ABCB5: variants seen among roughly 807,000 people sequenced by gnomAD.
ABCB5 encodes the protein ATP-binding cassette sub-family B member 5.
ABCB5 carries 155 observed loss-of-function variants against 144.2 expected under a neutral mutation model. That is an observed-to-expected ratio of 1.08 (90% confidence interval 0.94 to 1.23). ABCB5 has a LOEUF of 1.23. Among genes scored for constraint, ABCB5 ranks in the 50% most tolerant of loss-of-function variants. The probability of loss-of-function intolerance (pLI) is 0.00; values close to 1 mark genes in which losing one functional copy is unlikely to be tolerated. For synonymous variants in ABCB5, 610 were observed against 528.6 expected (o/e 1.15, Z -2.11); for missense variants, 1,830 against 1,520.8 (o/e 1.20, Z -3.38).
At chr7:20,632,557 C>A (rs1288194936) in intron 5 of ABCB5, among the ~76,000 whole-genome samples, 12 of 152,082 alleles carry the variant, frequency 7.9e-5, no homozygotes, top group Middle Eastern at 3.2e-3. Flanking sequence ...AAAACACATG[C>A]ACACGTATGT....
intron 1 of ABCB5, among the ~76,000 whole-genome samples, chr7:20,619,610 T>A (rs1783766298): frequency 6.6e-6 from 1 of 152,150 alleles, no homozygotes; most frequent in Non-Finnish European, 1.5e-5. Flanking sequence ...TTGCACATAT[T>A]TTCTCTCATT....
chr7:20,633,014 T>TAATAAATA (rs566634496), intron 5 of ABCB5, among the ~76,000 whole-genome samples: 3 of 151,080 alleles, frequency 2.0e-5, no homozygotes, highest in African/African-American at 7.3e-5. Flanking sequence ...AGTATAATAA[T>TAATAAATA]AATAAATAAA....
intron 16 of ABCB5, among the ~76,000 whole-genome samples, chr7:20,691,603 T>TTTA (rs1237675704): frequency 2.0e-5 from 3 of 151,202 alleles, no homozygotes; most frequent in Admixed American, 2.0e-4. Flanking sequence ...TATTTATTTA[T>TTTA]TTATTTATGA....
chr7:20,751,382 A>AATGG (rs1257683847), intron 26 of ABCB5, among the ~76,000 whole-genome samples: 3 of 152,142 alleles, frequency 2.0e-5, no homozygotes, highest in African/African-American at 7.2e-5. Context: ...GAGGCAGGAG[A>AATGG]ATGGCGTGAA....
At chr7:20,659,460 C>T (rs963551881) in intron 14 of ABCB5, 7 of 1,079,146 alleles carry the variant, frequency 6.5e-6, no homozygotes, top group Admixed American at 9.6e-5. Context: ...GAACCAGAAA[C>T]GGATACTGGC....
intron 14 of ABCB5, among the ~76,000 whole-genome samples, chr7:20,662,310 C>A (rs1199523375): frequency 2.0e-5 from 3 of 152,158 alleles, no homozygotes; most frequent in Non-Finnish European, 4.4e-5. Flanking sequence ...CCCTATGATG[C>A]GCCCCGTTGG....
rs147443406 is a variant in ABCB5, at chr7:20,640,562, A to C, written c.315-2622A>C. Among the ~76,000 whole-genome samples the C allele has an allele frequency of 5.9e-5, 9 of 152,320 alleles. No individual in the cohort carries two copies. In the East Asian group the frequency reaches 1.7e-3, roughly 29 times the overall value. ...AATCATTACAAATAGCAAAATCATC[A>C]ACAAAAAGCACAAAAATGAGAAAAA... On this transcript the variant is annotated intron_variant, in intron 5 of 27. Transcript: ENST00000404938.
chr7:20,645,886 TC>T lies in ABCB5; in HGVS notation c.803+8del. 1 of 1,612,924 alleles carries T rather than the reference TC, an allele frequency of 6.2e-7. No individual in the cohort carries two copies. Among genetic ancestry groups the T allele is most frequent in the South Asian group, 1.1e-5 (1 of 90,802 alleles). On this transcript the variant is annotated splice_region_variant and intron_variant, in intron 8 of 27. Transcript: ENST00000404938. ...CAGGAGAAAGAACTTCAAAGGTCTTTCCTTTTAAATATAACAAGATATGCTT... is the reference window on the plus strand; with the variant it reads ...CAGGAGAAAGAACTTCAAAGGTCTTTCTTTTAAATATAACAAGATATGCTT...
chr7:20,735,806 C>A (rs1782363251), intron 23 of ABCB5, among the ~76,000 whole-genome samples: 1 of 152,220 alleles, frequency 6.6e-6, no homozygotes, highest in African/African-American at 2.4e-5. Flanking sequence ...CACGTTCCAA[C>A]CCTACAATCT....
chr7:20,669,349 A>G (rs1455941517), intron 14 of ABCB5, among the ~76,000 whole-genome samples: 206 of 146,418 alleles, frequency 1.4e-3, no homozygotes, highest in African/African-American at 4.3e-3. Flanking sequence ...GGATAGAAGT[A>G]GACATGGGAG....
chr7:20,745,295 G>C lies in ABCB5; in HGVS notation c.3286G>C (p.Val1096Leu). Reference sequence around the variant, plus strand: ...GTGGCTCCGTTCCCAAATAGCAATCGTTCCTCAAGAGCCTGTGCTCTTCAA... The same window carrying C: ...GTGGCTCCGTTCCCAAATAGCAATCCTTCCTCAAGAGCCTGTGCTCTTCAA... Reference protein sequence around the residue: ...VQWLRSQIAIVPQEPVLFNCS... With the variant: ...VQWLRSQIAILPQEPVLFNCS... Residue 1096 changes from valine to leucine, a missense_variant, in exon 26 of 28, where the codon GTT becomes CTT. Physicochemically the swap from Val to Leu is conservative, Grantham distance 32. Transcript: ENST00000404938. 1.9e-6 allele frequency: 3 copies of C among 1,613,994 alleles called. No homozygotes were observed. Among genetic ancestry groups the C allele is most frequent in the South Asian group, 1.1e-5 (1 of 91,068 alleles).
At chr7:20,630,567 A>C (rs1784016002) in intron 4 of ABCB5, among the ~76,000 whole-genome samples, 1 of 152,188 alleles carries the variant, frequency 6.6e-6, no homozygotes, top group South Asian at 2.1e-4. Context: ...AATTAAGGAT[A>C]TAAGTGAAAA....
chr7:20,720,826 C>G (rs1325805179), intron 20 of ABCB5, among the ~76,000 whole-genome samples: 1 of 151,258 alleles, frequency 6.6e-6, no homozygotes, highest in Non-Finnish European at 1.5e-5. Flanking sequence ...CGCCTGTAGT[C>G]CCAGCTACAC....
chr7:20,644,488 G>A (rs974606472), intron 7 of ABCB5, among the ~76,000 whole-genome samples: 1 of 152,034 alleles, frequency 6.6e-6, no homozygotes, highest in African/African-American at 2.4e-5. Flanking sequence ...TTATGTACTC[G>A]CATTCTAAAT....
intron 16 of ABCB5, among the ~76,000 whole-genome samples, chr7:20,690,132 C>A (rs1257722954): frequency 6.6e-6 from 1 of 152,180 alleles, no homozygotes; most frequent in Admixed American, 6.5e-5. Flanking sequence ...AATAAAAAAT[C>A]ACAACTTTTT....
intron 14 of ABCB5, among the ~76,000 whole-genome samples, chr7:20,674,861 G>A (rs570841129): frequency 2.6e-5 from 4 of 151,426 alleles, no homozygotes; most frequent in African/African-American, 9.7e-5. Context: ...TTGCATTTCT[G>A]TTCACAACAA....
intron 23 of ABCB5, among the ~76,000 whole-genome samples, chr7:20,734,770 C>T (rs1361962279): frequency 2.0e-5 from 3 of 152,112 alleles, no homozygotes; most frequent in Admixed American, 2.0e-4. Flanking sequence ...ATTCTGCCAC[C>T]TTACAGACAA....
At chr7:20,643,143 A>T in intron 5 of ABCB5, 41 bp from the exon 6 acceptor site, 1 of 1,513,724 alleles carries the variant, frequency 6.6e-7, no homozygotes, top group Non-Finnish European at 9.0e-7. Context: ...CAAGATAAAA[A>T]TGTTGTGCTT....
intron 14 of ABCB5, among the ~76,000 whole-genome samples, chr7:20,662,424 G>A (rs1176607193): frequency 2.6e-5 from 4 of 152,158 alleles, no homozygotes; most frequent in Non-Finnish European, 5.9e-5. Context: ...ATTAAATTAA[G>A]TTCTAAGAAG....
Sources: allele counts gnomAD v4.1 joint callset (sites outside exome capture counted in the v4.1 genomes callset), GRCh38; gene constraint gnomAD v4.1.1; transcripts MANE v1.5; gene names NCBI Gene and HGNC (gene_info 2026-07-23, HGNC 2026-07-21).